Variants in PIK3C3 observed in about 807,000 individuals in gnomAD.
The protein encoded by PIK3C3 is phosphatidylinositol 3-kinase catalytic subunit type 3.
Under a neutral mutation model 126.1 loss-of-function variants are expected in PIK3C3, and 95 were observed. The observed-to-expected ratio is 0.75, with a 90% confidence interval of 0.64 to 0.89. The LOEUF (loss-of-function observed/expected upper bound fraction) is 0.89, where lower values mean the gene tolerates loss of function less well. Among genes scored for constraint, PIK3C3 ranks in the 40% least tolerant of loss-of-function variants. The pLI, the probability that PIK3C3 is intolerant of heterozygous loss-of-function variation, is 0.00. For synonymous variants in PIK3C3, 374 were observed against 360.0 expected, an observed-to-expected ratio of 1.04 and a Z score of -0.44; for missense variants, 829 against 1,063.2, an observed-to-expected ratio of 0.78 and a Z score of 3.06.
chr18:41,960,852 C>A (rs1421440571), intron 2 of PIK3C3, among the ~76,000 whole-genome samples: 1 of 151,960 alleles, frequency 6.6e-6, no homozygotes, highest in Admixed American at 6.6e-5. Flanking sequence ...AAGCAATCTC[C>A]TGCCTCAGCC....
Position 42,086,586 on chromosome 18 carries a change from G to A in PIK3C3, c.*5449G>A, listed in dbSNP as rs1228464432. ...CACCAAAACCAAGACGGGAATGAAA[G>A]TGACCTCCGGTCATCCTCACTGCTC... On this transcript the variant is annotated 3_prime_UTR_variant, in exon 25 of 25. Coordinates refer to ENST00000262039, the MANE Select transcript of PIK3C3 (RefSeq NM_002647.4). The A allele has an allele frequency of 1.3e-5, 2 of 152,252 alleles. No individual in the cohort carries two copies. Among genetic ancestry groups the A allele is most frequent in the Non-Finnish European group, 2.9e-5 (2 of 68,064 alleles). 9.4% of individuals were successfully genotyped at this position (152,252 alleles called of 1,614,324 possible).
At chr18:42,041,071 A>G (rs1245326018) in intron 19 of PIK3C3, among the ~76,000 whole-genome samples, 2 of 152,124 alleles carry the variant, frequency 1.3e-5, no homozygotes, top group African/African-American at 4.8e-5. Context: ...AGTCCCAGCT[A>G]CTTGGGAGGC....
At chr18:42,033,782 A>G (rs1983929695) in intron 15 of PIK3C3, 44 bp from the exon 16 acceptor site, 1 of 1,430,650 alleles carries the variant, frequency 7.0e-7, no homozygotes, top group Non-Finnish European at 9.5e-7. Context: ...TTTATAAACT[A>G]CTCTTCTATT....
At chr18:42,067,052 T>C (rs1598951126) in intron 23 of PIK3C3, among the ~76,000 whole-genome samples, 1 of 152,178 alleles carries the variant, frequency 6.6e-6, no homozygotes, top group East Asian at 1.9e-4. Flanking sequence ...ATATAGTAAC[T>C]CTAGATTTTA....
intron 9 of PIK3C3, among the ~76,000 whole-genome samples, chr18:41,998,325 A>G (rs1982125465): frequency 6.6e-6 from 1 of 152,186 alleles, no homozygotes; most frequent in Non-Finnish European, 1.5e-5. Flanking sequence ...AGATTGAGTT[A>G]GTGTCATGAT....
At chr18:41,963,182 A>G (rs1162378096) in intron 3 of PIK3C3, among the ~76,000 whole-genome samples, 1 of 152,100 alleles carries the variant, frequency 6.6e-6, no homozygotes, top group African/African-American at 2.4e-5. Context: ...AGAATTTGTG[A>G]CATTCTGTTA....
chr18:42,037,160 C>T (rs1598918676), intron 16 of PIK3C3, among the ~76,000 whole-genome samples: 1 of 152,190 alleles, frequency 6.6e-6, no homozygotes, highest in Non-Finnish European at 1.5e-5. Context: ...GATACTCAAC[C>T]TGTAGTATAC....
intron 4 of PIK3C3, among the ~76,000 whole-genome samples, chr18:41,986,134 G>A (rs967055710): frequency 6.6e-6 from 1 of 152,096 alleles, no homozygotes; most frequent in African/African-American, 2.4e-5. Flanking sequence ...ATAGTCTGGG[G>A]TTTAAACCCT....
At chr18:42,038,379 T>C (rs1224953223) in intron 17 of PIK3C3, among the ~76,000 whole-genome samples, 2 of 152,136 alleles carry the variant, frequency 1.3e-5, no homozygotes, top group Non-Finnish European at 1.5e-5. Context: ...GTTTTGCTTT[T>C]TGCACAGGCT....
intron 2 of PIK3C3, among the ~76,000 whole-genome samples, chr18:41,960,806 G>A (rs1980042657): frequency 1.3e-5 from 2 of 151,268 alleles, no homozygotes; most frequent in African/African-American, 2.4e-5. Context: ...GCAGTGGCAT[G>A]ATCTTGGCTC....
intron 21 of PIK3C3, 135 bp from the exon 22 acceptor site, chr18:42,057,748 G>A (rs750677643): frequency 2.4e-5 from 18 of 748,862 alleles, no homozygotes; most frequent in Middle Eastern, 3.5e-4. Flanking sequence ...TAGAAATATC[G>A]AAGAATTTAA....
At chr18:42,012,460 T>G (rs1473374362) in intron 10 of PIK3C3, among the ~76,000 whole-genome samples, 1 of 152,164 alleles carries the variant, frequency 6.6e-6, no homozygotes, top group Non-Finnish European at 1.5e-5. Context: ...ATTTTCTGAT[T>G]ATGAGTTTCA....
At chr18:42,005,024 T>TTA (rs1215003823) in intron 10 of PIK3C3, among the ~76,000 whole-genome samples, 1 of 152,180 alleles carries the variant, frequency 6.6e-6, no homozygotes, top group African/African-American at 2.4e-5. Flanking sequence ...CTGATGACAA[T>TTA]TATATGTATA....
At chr18:42,078,441 A>G (rs1190658592) in intron 24 of PIK3C3, among the ~76,000 whole-genome samples, 2 of 151,572 alleles carry the variant, frequency 1.3e-5, no homozygotes, top group African/African-American at 2.4e-5. Context: ...AACAAATATG[A>G]TATCATCCAA....
rs58697677 is a variant in PIK3C3 at position 42,084,585 on chromosome 18, C to CAAAAAAAAAA, written c.*3460_*3469dup. 7.2e-5 allele frequency: 7 copies of CAAAAAAAAAA among 96,718 alleles called. No individual in the cohort carries two copies. Among genetic ancestry groups the CAAAAAAAAAA allele is most frequent in the East Asian group, 6.2e-4 (2 of 3,244 alleles). 6.0% of individuals were successfully genotyped at this position (96,718 alleles called of 1,614,324 possible). A position where few individuals can be genotyped will look rare whatever the true frequency, so the allele number is the denominator to read the frequency against. On this transcript the variant is annotated 3_prime_UTR_variant, in exon 25 of 25. Coordinates refer to ENST00000262039, the MANE Select transcript of PIK3C3 (RefSeq NM_002647.4). Reference sequence around the variant, plus strand: ...TAGTATAGAGTAGCTAAAAACAAACCAAAAAAAAAAAAAAAAAAAAAGGAA... The same window carrying CAAAAAAAAAA: ...TAGTATAGAGTAGCTAAAAACAAACCAAAAAAAAAAAAAAAAAAAAAAAAAAAAAAAGGAA...
chr18:42,073,980 A>T (rs937699699), intron 24 of PIK3C3, among the ~76,000 whole-genome samples: 1 of 152,148 alleles, frequency 6.6e-6, no homozygotes, highest in Non-Finnish European at 1.5e-5. Flanking sequence ...CATTTACCTT[A>T]GGTTTATGTG....
chr18:41,968,914 C>G (rs1299254218), intron 3 of PIK3C3, among the ~76,000 whole-genome samples: 2 of 151,800 alleles, frequency 1.3e-5, no homozygotes, highest in Admixed American at 6.6e-5. Flanking sequence ...TCTTCCCAGG[C>G]TTAAGCAATC....
At chr18:42,000,905 T>TTATCTTCAGCCACACCATATCAGTAA (rs1982257789) in intron 9 of PIK3C3, among the ~76,000 whole-genome samples, 1 of 152,170 alleles carries the variant, frequency 6.6e-6, no homozygotes, top group Non-Finnish European at 1.5e-5. Flanking sequence ...AGATGAGATT[T>TTATCTTCAGCCACACCATATCAGTAA]GGGTGGGGAC....
At chr18:42,062,035 T>C (rs901131267) in intron 22 of PIK3C3, among the ~76,000 whole-genome samples, 3 of 152,110 alleles carry the variant, frequency 2.0e-5, no homozygotes, top group African/African-American at 7.2e-5. Flanking sequence ...GGCTCAGGCA[T>C]TGATACATTT....
Sources: allele counts gnomAD v4.1 joint callset (sites outside exome capture counted in the v4.1 genomes callset), GRCh38; gene constraint gnomAD v4.1.1; transcripts MANE v1.5; gene names NCBI Gene and HGNC (gene_info 2026-07-23, HGNC 2026-07-21).